AVEN: variants seen among roughly 807,000 people sequenced by gnomAD.
AVEN encodes the protein apoptosis and caspase activation inhibitor.
In AVEN, 41 loss-of-function variants were observed where a neutral mutation model predicts 38.1. The ratio of observed to expected loss-of-function variants is 1.08; its 90% CI spans 0.84 to 1.40. The LOEUF is 1.40. AVEN is among the 40% of genes most tolerant of loss of function. The probability of loss-of-function intolerance (pLI) is 0.00; values close to 1 mark genes in which losing one functional copy is unlikely to be tolerated. For synonymous variants in AVEN, 206 were observed against 171.8 expected, an observed-to-expected ratio of 1.20 and a Z score of -1.56; for missense variants, 605 against 438.8, an observed-to-expected ratio of 1.38 and a Z score of -3.38.
chr15:34,022,756 C>T (rs932158840), intron 1 of AVEN, among the ~76,000 whole-genome samples: 17 of 152,192 alleles, frequency 1.1e-4, no homozygotes, highest in African/African-American at 4.1e-4. Context: ...AAGCATTCCC[C>T]CAACACACAC....
chr15:33,993,756 G>A (rs990371756), intron 2 of AVEN, among the ~76,000 whole-genome samples: 7 of 152,062 alleles, frequency 4.6e-5, no homozygotes, highest in Non-Finnish European at 8.8e-5. Context: ...CTCCCCACTA[G>A]AGGTGACCGC....
intron 11 of AVEN, chr15:33,859,646 T>G: frequency 6.2e-7 from 1 of 1,614,050 alleles, no homozygotes; most frequent in Middle Eastern, 1.6e-4. Context: ...AAGACCCTGC[T>G]GGTGATCCTT....
intron 2 of AVEN, 24 bp from the exon 3 acceptor site, chr15:33,876,019 A>T (rs999026023): frequency 1.2e-5 from 19 of 1,563,536 alleles, no homozygotes; most frequent in South Asian, 4.5e-5. Flanking sequence ...AAAAAAAAAA[A>T]TTTATGCAAA....
chr15:33,917,556 G>T (rs1441646643), intron 2 of AVEN, among the ~76,000 whole-genome samples: 1 of 102,812 alleles, frequency 9.7e-6, no homozygotes, highest in Non-Finnish European at 2.3e-5. Flanking sequence ...TCACACATGT[G>T]TATGTATACA....
chr15:33,904,694 A>AAAAATATAT (rs1464894437), intron 2 of AVEN, among the ~76,000 whole-genome samples: 2 of 112,746 alleles, frequency 1.8e-5, no homozygotes, highest in African/African-American at 2.9e-5. Flanking sequence ...AAAAAAAAAA[A>AAAAATATAT]ATATATATAT....
intron 2 of AVEN, among the ~76,000 whole-genome samples, chr15:33,882,856 G>A (rs1891548289): frequency 6.6e-6 from 1 of 152,092 alleles, no homozygotes; most frequent in South Asian, 2.1e-4. Flanking sequence ...CTGGGTGACG[G>A]AACAAGACCC....
chr15:33,868,115 G>C (rs994755747), intron 4 of AVEN, among the ~76,000 whole-genome samples: 1 of 152,198 alleles, frequency 6.6e-6, no homozygotes, highest in Non-Finnish European at 1.5e-5. Context: ...AACTAGCTCA[G>C]ATTTGGAATG....
intron 1 of AVEN, among the ~76,000 whole-genome samples, chr15:34,034,446 TA>T (rs34205777): frequency 0.14 from 20,725 of 143,672 alleles, 2,079 homozygotes; most frequent in African/African-American, 0.29. Flanking sequence ...GTTTCTTTTT[TA>T]AAAAAAAAAA....
intron 2 of AVEN, chr15:33,972,503 A>AAAAAAAC (rs1555511831): frequency 2.0e-5 from 3 of 151,628 alleles, no homozygotes; most frequent in Admixed American, 6.6e-5. Flanking sequence ...TGGATTTGTT[A>AAAAAAAC]AAAAACAAAA....
At chr15:33,864,904 G>A (rs1485532550), downstream of AVEN, 5 of 497,040 alleles carry the variant, frequency 1.0e-5, no homozygotes, top group African/African-American at 1.9e-5. Context: ...GCTTGTTTGG[G>A]GCAGAGGGGG....
intron 2 of AVEN, among the ~76,000 whole-genome samples, chr15:33,906,764 T>C (rs977579904): frequency 9.2e-5 from 14 of 152,286 alleles, no homozygotes; most frequent in South Asian, 2.1e-4. Flanking sequence ...TTAATGGGCA[T>C]AGAATTTCAG....
At chr15:33,927,839 A>C (rs1893683262) in intron 2 of AVEN, among the ~76,000 whole-genome samples, 1 of 152,054 alleles carries the variant, frequency 6.6e-6, no homozygotes, top group South Asian at 2.1e-4. Flanking sequence ...GGTCTAGATA[A>C]GGGGAAATTT....
intron 2 of AVEN, among the ~76,000 whole-genome samples, chr15:33,923,907 C>T (rs1022778333): frequency 1.8e-4 from 27 of 151,130 alleles, no homozygotes; most frequent in African/African-American, 5.8e-4. Flanking sequence ...TCACTATCTC[C>T]CATCACCCCC....
At chr15:33,985,514 TG>T (rs1289621188) in intron 2 of AVEN, among the ~76,000 whole-genome samples, 1 of 149,958 alleles carries the variant, frequency 6.7e-6, no homozygotes, top group Non-Finnish European at 1.5e-5. Context: ...GGTTGCTTGC[TG>T]GAAACACAAC....
intron 2 of AVEN, among the ~76,000 whole-genome samples, chr15:33,919,882 T>C (rs549050752): frequency 6.6e-6 from 1 of 152,250 alleles, no homozygotes; most frequent in South Asian, 2.1e-4. Context: ...TAGATAAGTA[T>C]CACTTCCACA....
intron 1 of AVEN, among the ~76,000 whole-genome samples, chr15:34,015,056 C>T (rs1174641082): frequency 6.6e-6 from 1 of 152,040 alleles, no homozygotes; most frequent in South Asian, 2.1e-4. Flanking sequence ...CTGTCCTTAA[C>T]AGTGTGTCTC....
upstream of AVEN, among the ~76,000 whole-genome samples, chr15:34,043,836 T>C (rs1899580229): frequency 6.6e-6 from 1 of 152,212 alleles, no homozygotes; most frequent in African/African-American, 2.4e-5. Context: ...GAATTTCCAG[T>C]GTTGCCATTA....
chr15:34,030,006 C>T (rs1898694483), intron 1 of AVEN, among the ~76,000 whole-genome samples: 1 of 152,158 alleles, frequency 6.6e-6, no homozygotes, highest in South Asian at 2.1e-4. Flanking sequence ...GTAATCCCAG[C>T]ACTTTGGGAG....
intron 2 of AVEN, among the ~76,000 whole-genome samples, chr15:33,956,440 T>C (rs1169790075): frequency 6.6e-6 from 1 of 152,242 alleles, no homozygotes; most frequent in African/African-American, 2.4e-5. Context: ...TATGAGTGCA[T>C]TGAGCATCTT....
Sources: allele counts gnomAD v4.1 joint callset (sites outside exome capture counted in the v4.1 genomes callset), GRCh38; gene constraint gnomAD v4.1.1; transcripts MANE v1.5; gene names NCBI Gene and HGNC (gene_info 2026-07-23, HGNC 2026-07-21).